The following ADAMTSL4 variants were observed in gnomAD, a reference collection of about 807,000 sequenced individuals.
The protein encoded by ADAMTSL4 is ADAMTS like 4.
Under a neutral mutation model 122.8 loss-of-function variants are expected in ADAMTSL4, and 97 were observed. The ratio of observed to expected loss-of-function variants is 0.79; its 90% CI spans 0.67 to 0.93. The LOEUF is 0.93. Ranked by LOEUF, ADAMTSL4 falls within the 40% of genes least tolerant of loss-of-function variation. The probability of loss-of-function intolerance (pLI) is 0.00; values close to 1 mark genes in which losing one functional copy is unlikely to be tolerated. For missense variants in ADAMTSL4, 1,408 were observed against 1,453.5 expected (o/e 0.97, Z 0.51); for synonymous variants, 592 against 568.0 (o/e 1.04, Z -0.60).
rs1671561874 is a variant in ADAMTSL4, at chr1:150,552,839, A to T, written c.79-59A>T. The T allele has an allele frequency of 1.4e-5, 22 of 1,551,886 alleles. No individual in the cohort carries two copies. The highest frequency in any genetic ancestry group is 1.9e-5 in the Non-Finnish European group (21 of 1,131,320). On this transcript the variant is annotated intron_variant, in intron 4 of 18. Coordinates refer to ENST00000271643, the MANE Select transcript of ADAMTSL4 (RefSeq NM_019032.6). The surrounding 1 kb of genome is among the most constrained non-coding windows in gnomAD (Gnocchi z 4.0). ...TGAGCCTCAGTGTTGGTCTACATGG[A>T]CACTCTGGACAGTTCCCTCTAATCC... is the stretch of plus-strand genomic sequence containing the variant.
rs1672583001 is a variant in ADAMTSL4 at position 150,559,675 on chromosome 1, C to T, written c.2944-86C>T. The T allele has an allele frequency of 9.3e-6, 15 of 1,606,102 alleles. No individual in the cohort carries two copies. The highest frequency in any genetic ancestry group is 3.3e-5 in the Admixed American group (2 of 59,880). ...TGTCCTAGGAGGGTCCCCACCACCA[C>T]CTTTTGGGGAGAGAGGTGGCAGCCA... On this transcript the variant is annotated intron_variant, in intron 17 of 18. Transcript: ENST00000271643. The surrounding 1 kb of genome is among the most constrained non-coding windows in gnomAD (Gnocchi z 4.1).
Position 150,555,413 on chromosome 1 carries a change from C to T in ADAMTSL4, c.1235-16C>T. 6.2e-7 allele frequency: 1 copy of T among 1,613,980 alleles called. No individual in the cohort carries two copies. Among genetic ancestry groups the T allele is most frequent in the Non-Finnish European group, 8.5e-7 (1 of 1,179,926 alleles). On this transcript the variant is annotated splice_polypyrimidine_tract_variant and intron_variant, in intron 7 of 18. Coordinates refer to ENST00000271643, the MANE Select transcript of ADAMTSL4 (RefSeq NM_019032.6). ...ACCAGGGAGCCCACTAACCACCCTT[C>T]TACCCTGTCCCTTAGTCCAGGGCTC...
At position 150,558,127 on chromosome 1, in the gene ADAMTSL4, A is replaced by G; in HGVS notation, c.2360A>G (p.Glu787Gly). 1 of 1,613,388 alleles carries G rather than the reference A, an allele frequency of 6.2e-7. No homozygotes were observed. Among genetic ancestry groups the G allele is most frequent in the Non-Finnish European group, 8.5e-7 (1 of 1,180,024 alleles). ...CAGCTGCGCCTCTGTGGCCATTGGG[A>G]AGTTGGCTCTCCTTGGAGCCAGGTG... ...SCQLRLCGHW[E>G]VGSPWSQCSV... The change falls in exon 14 of 19, where the codon GAA (glutamate) becomes GGA (glycine). Residue 787 changes from glutamate to glycine, a missense_variant. Glu to Gly is a moderately conservative substitution (Grantham distance 98). Coordinates refer to ENST00000271643, the MANE Select transcript of ADAMTSL4 (RefSeq NM_019032.6).
At chr1:150,557,895 C>T (rs1302294752) in intron 13 of ADAMTSL4, 50 bp from the exon 14 acceptor site, 4 of 1,574,958 alleles carry the variant, frequency 2.5e-6, no homozygotes, top group Admixed American at 1.8e-5. Context: ...GGCAGCCCCA[C>T]ACATCTCATC....
chr1:150,555,654 T>C, intron 8 of ADAMTSL4, 89 bp downstream of exon 8: 4 of 1,563,770 alleles, frequency 2.6e-6, no homozygotes, highest in Non-Finnish European at 3.5e-6. Flanking sequence ...CACACATATG[T>C]ATGAACACAT....
At chr1:150,553,365 C>T in intron 5 of ADAMTSL4, 61 bp from the exon 6 acceptor site, 1 of 1,607,522 alleles carries the variant, frequency 6.2e-7, no homozygotes, top group Non-Finnish European at 8.5e-7. Flanking sequence ...AGGAAGTAAA[C>T]TGGGGAAACA....
Position 150,552,264 on chromosome 1 carries a change from C to A in ADAMTSL4, c.-25C>A. On this transcript the variant is annotated 5_prime_UTR_variant, in exon 3 of 19. Transcript: ENST00000271643. The surrounding 1 kb of genome is among the most constrained non-coding windows in gnomAD (Gnocchi z 4.0). ...TTTGTGACCAGTCCGCTCCTGCCTCCCCCTGGGGCAGTAGAGGGGGAGCGA... is the reference window on the plus strand; with the variant it reads ...TTTGTGACCAGTCCGCTCCTGCCTCACCCTGGGGCAGTAGAGGGGGAGCGA... The A allele has an allele frequency of 6.4e-7, 1 of 1,551,422 alleles. No homozygotes were observed. The highest frequency in any genetic ancestry group is 1.2e-5 in the South Asian group (1 of 84,008).
At position 150,554,771 on chromosome 1, in the gene ADAMTSL4, C is replaced by A; in HGVS notation, c.1234+304C>A. On this transcript the variant is annotated intron_variant, in intron 7 of 18. Transcript: ENST00000271643. The surrounding 1 kb of genome is among the most constrained non-coding windows in gnomAD (Gnocchi z 4.0). ...GGGCCATGGTGGGAGAGATCCTGTC[C>A]AGCCGTGACAGCCAGGTGGGGGTGT... 1 of 1,001,082 alleles carries A rather than the reference C, an allele frequency of 1.0e-6. No homozygotes were observed. Among genetic ancestry groups the A allele is most frequent in the Non-Finnish European group, 1.4e-6 (1 of 691,980 alleles). The allele number at this position is 1,001,082 out of a possible 1,614,324, so 62.0% of individuals were successfully genotyped here. A position where few individuals can be genotyped will look rare whatever the true frequency, so the allele number is the denominator to read the frequency against.
chr1:150,555,991 T>C, intron 8 of ADAMTSL4, 171 bp from the exon 9 acceptor site: 1 of 694,980 alleles, frequency 1.4e-6, no homozygotes, highest in Admixed American at 2.1e-5. Context: ...AAGGATCTGA[T>C]CGGGCACCTG....
intron 13 of ADAMTSL4, 161 bp downstream of exon 13, chr1:150,557,784 T>C (rs1672330925): frequency 1.5e-6 from 2 of 1,294,464 alleles, no homozygotes; most frequent in East Asian, 2.6e-5. Context: ...AAGAAAGCCA[T>C]GGCAGGCTGA....
In ADAMTSL4 at chr1:150,560,043, G is replaced by A. The variant is rs367671119; in HGVS notation, c.3089-17G>A. The A allele has an allele frequency of 1.9e-6, 3 of 1,613,900 alleles. No homozygotes were observed. The African/African-American group carries it at 4.0e-5, about 22-fold the overall frequency. On this transcript the variant is annotated splice_polypyrimidine_tract_variant and intron_variant, in intron 18 of 18. Coordinates refer to ENST00000271643, the MANE Select transcript of ADAMTSL4 (RefSeq NM_019032.6). ...CCTGGTGACTCTCTTGTGCCCACTG[G>A]CCTCCTCTGTCCCCAGATGATCAAT...
At position 150,552,206 on chromosome 1, in the gene ADAMTSL4, G is replaced by T; in HGVS notation, c.-83G>T. On this transcript the variant is annotated splice_region_variant and 5_prime_UTR_variant, in exon 3 of 19. Transcript: ENST00000271643. The surrounding 1 kb of genome is among the most constrained non-coding windows in gnomAD (Gnocchi z 4.0). ...ACCACCAGGCTTCTGTCCCTGCAGA[G>T]AGCACCCTCCACGCCCAGATGCCTG... 6.9e-7 allele frequency: 1 copy of T among 1,446,292 alleles called. No homozygotes were observed. The highest frequency in any genetic ancestry group is 2.5e-5 in the East Asian group (1 of 40,334). 89.6% of individuals were successfully genotyped at this position (1,446,292 alleles called of 1,614,324 possible).
At chr1:150,555,804 T>C (rs1353669400) in intron 8 of ADAMTSL4, 4 of 636,778 alleles carry the variant, frequency 6.3e-6, no homozygotes, top group East Asian at 2.8e-5. Flanking sequence ...CACACGTGCA[T>C]GAACACATGC....
At chr1:150,550,361 C>A (rs1479006406) in intron 2 of ADAMTSL4, 2 of 450,824 alleles carry the variant, frequency 4.4e-6, no homozygotes. Flanking sequence ...TGGGGTGGGA[C>A]TTTTCCAGAG....
At chr1:150,550,028 A>C in intron 2 of ADAMTSL4, 133 bp downstream of exon 2, 1 of 315,532 alleles carries the variant, frequency 3.2e-6, no homozygotes, top group East Asian at 8.6e-5. Context: ...CAGGACAGGG[A>C]TTCTCCATGG....
rs367884759 is a variant in ADAMTSL4, at chr1:150,559,128, A to G, written c.2726A>G (p.Glu909Gly). The G allele has an allele frequency of 8.7e-6, 14 of 1,612,704 alleles. No individual in the cohort carries two copies. The South Asian group carries it at 1.4e-4, about 16-fold the overall frequency. ...CGCGCCTGCAGCCTGGGGCCCTGTGAGAGAACTTGGCGCTGGTACACAGGG... is the reference window on the plus strand; with the variant it reads ...CGCGCCTGCAGCCTGGGGCCCTGTGGGAGAACTTGGCGCTGGTACACAGGG... ...DMRACSLGPC[E>G]RTWRWYTGPW... Residue 909 changes from glutamate (E) to glycine (G), a missense_variant, in exon 16 of 19, where the codon GAG (glutamate) becomes GGG (glycine). Glu to Gly is a moderately conservative substitution (Grantham distance 98, BLOSUM62 -2). Coordinates refer to ENST00000271643, the MANE Select transcript of ADAMTSL4 (RefSeq NM_019032.6). This position sits in a 1 kb window ranked among gnomAD's most constrained non-coding sequence, Gnocchi z 4.1.
At chr1:150,550,895 C>G (rs959850054) in intron 2 of ADAMTSL4, 1 of 456,396 alleles carries the variant, frequency 2.2e-6, no homozygotes, top group African/African-American at 2.0e-5. Context: ...TCCTACCCTT[C>G]TCTTGGTCAT....
At position 150,552,883 on chromosome 1, in the gene ADAMTSL4, T is replaced by C. The variant is rs1671568365; in HGVS notation, c.79-15T>C. Reference sequence around the variant, plus strand: ...CTAATCCTTCCAATTCTGTCTGACCTTTTTCTCTATATAGGTGTTGTCCGG... The same window carrying C: ...CTAATCCTTCCAATTCTGTCTGACCCTTTTCTCTATATAGGTGTTGTCCGG... On this transcript the variant is annotated splice_polypyrimidine_tract_variant and intron_variant, in intron 4 of 18. Transcript: ENST00000271643. The surrounding 1 kb of genome is among the most constrained non-coding windows in gnomAD (Gnocchi z 4.0). The C allele has an allele frequency of 6.2e-7, 1 of 1,608,094 alleles. No homozygotes were observed. Among genetic ancestry groups the C allele is most frequent in the African/African-American group, 1.3e-5 (1 of 74,834 alleles).
rs1300325539 is a variant in ADAMTSL4 at position 150,557,165 on chromosome 1, A to G, written c.1877A>G (p.Glu626Gly). 28 of 1,611,784 alleles carry G rather than the reference A, an allele frequency of 1.7e-5. No individual in the cohort carries two copies. The highest frequency in any genetic ancestry group is 2.1e-5 in the Non-Finnish European group (25 of 1,179,750). ...PQLQPEILRV[E>G]PPLAPAPRPA... ...CCCTGCACAGAGATTCTGAGGGTGG[A>G]GCCCCCACTTGCTCCGGCACCCCGC... The change falls in exon 12 of 19, where the codon GAG becomes GGG. Residue 626 changes from glutamate (E) to glycine (G), a missense_variant. Transcript: ENST00000271643.
Sources: allele counts gnomAD v4.1 joint callset, GRCh38; gene constraint gnomAD v4.1.1; non-coding constraint Gnocchi (gnomAD v3.1); transcripts MANE v1.5; gene names NCBI Gene and HGNC (gene_info 2026-07-23, HGNC 2026-07-21).